JPT1: variants seen among roughly 807,000 people sequenced by gnomAD.
JPT1 encodes androgen-regulated protein 2.
A neutral mutation model predicts 17.0 loss-of-function variants in JPT1; 5 were observed. The observed-to-expected ratio is 0.29, with a 90% CI of 0.15 to 0.62. The LOEUF is 0.62. Ranked by LOEUF, JPT1 falls within the 20% of genes least tolerant of loss-of-function variation. The probability of loss-of-function intolerance (pLI) is 0.85; values close to 1 mark genes in which losing one functional copy is unlikely to be tolerated. For missense variants in JPT1, 158 were observed against 188.1 expected (o/e 0.84, Z 0.94); for synonymous variants, 71 against 73.6 (o/e 0.96, Z 0.18).
intron 4 of JPT1, among the ~76,000 whole-genome samples, chr17:75,140,763 C>G (rs900706579): frequency 1.3e-5 from 2 of 152,014 alleles, no homozygotes; most frequent in East Asian, 3.9e-4. Flanking sequence ...CAGGACCAGC[C>G]GGGGGAAACA....
At position 75,135,926 on chromosome 17, in the gene JPT1, CAA is replaced by C. The variant is rs2074184314; in HGVS notation, c.*174_*175del. 1 of 1,415,160 alleles carries C rather than the reference CAA, an allele frequency of 7.1e-7. No individual in the cohort carries two copies. Among genetic ancestry groups the C allele is most frequent in the Admixed American group, 2.2e-5 (1 of 45,672 alleles). 87.7% of individuals were successfully genotyped at this position (1,415,160 alleles called of 1,614,324 possible). ...ACACTCATGCCATGGCCCACAGACC[CAA>C]GAGTCAAGGACAGAGAGAAACCTGT... On this transcript the variant is annotated 3_prime_UTR_variant, in exon 5 of 5. Transcript: ENST00000409753.
intron 1 of JPT1, among the ~76,000 whole-genome samples, chr17:75,151,061 C>A (rs1401320374): frequency 1.3e-5 from 2 of 151,456 alleles, no homozygotes; most frequent in African/African-American, 4.8e-5. Context: ...ACCGTGTTAG[C>A]CAGGATGGTC....
At chr17:75,137,207 G>C (rs1258284242) in intron 4 of JPT1, among the ~76,000 whole-genome samples, 1 of 152,094 alleles carries the variant, frequency 6.6e-6, no homozygotes, top group Non-Finnish European at 1.5e-5. Context: ...CTCTCATTAG[G>C]GTTGTTTCTA....
chr17:75,136,968 G>A (rs2074210797), intron 4 of JPT1, among the ~76,000 whole-genome samples: 1 of 152,072 alleles, frequency 6.6e-6, no homozygotes, highest in Admixed American at 6.6e-5. Context: ...ACATGTTTTG[G>A]TTATATTTAA....
At chr17:75,136,381 A>C in intron 4 of JPT1, 131 bp from the exon 5 acceptor site, 1 of 797,450 alleles carries the variant, frequency 1.3e-6, no homozygotes. Flanking sequence ...TAAACAAAAT[A>C]ATCACCCACC....
At chr17:75,144,919 G>A (rs1370448060) in intron 4 of JPT1, among the ~76,000 whole-genome samples, 1 of 152,030 alleles carries the variant, frequency 6.6e-6, no homozygotes, top group African/African-American at 2.4e-5. Flanking sequence ...CCCCTAAACA[G>A]GTCCTATAAG....
chr17:75,147,490 T>G, intron 3 of JPT1, 66 bp downstream of exon 3: 1 of 1,124,386 alleles, frequency 8.9e-7, no homozygotes. Flanking sequence ...GAACTGAAAC[T>G]CTTAGTACAA....
chr17:75,150,961 C>G (rs138790976), intron 1 of JPT1, among the ~76,000 whole-genome samples: 1 of 146,258 alleles, frequency 6.8e-6, no homozygotes, highest in East Asian at 2.1e-4. Context: ...TTACACCTTT[C>G]TCCTGCCTTA....
intron 4 of JPT1, among the ~76,000 whole-genome samples, chr17:75,137,855 C>G (rs2074236877): frequency 6.6e-6 from 1 of 151,734 alleles, no homozygotes; most frequent in African/African-American, 2.4e-5. Context: ...GCCATGTTGG[C>G]CAGGCTGGTC....
At chr17:75,148,031 C>T (rs2074474870) in intron 2 of JPT1, 1 of 226,226 alleles carries the variant, frequency 4.4e-6, no homozygotes, top group African/African-American at 2.2e-5. Flanking sequence ...AAAACTTCAG[C>T]AATTGACGTT....
intron 1 of JPT1, among the ~76,000 whole-genome samples, chr17:75,149,856 CACACTT>C (rs1244507831): frequency 0.015 from 715 of 47,838 alleles, 3 homozygotes; most frequent in African/African-American, 0.032. Context: ...TAATCACTTA[CACACTT>C]ACACACACAC....
chr17:75,147,729 T>C, intron 2 of JPT1, 76 bp from the exon 3 acceptor site: 2 of 1,185,768 alleles, frequency 1.7e-6, no homozygotes, highest in Non-Finnish European at 2.5e-6. Context: ...CTGGGCACGG[T>C]GGCTCATGCC....
intron 4 of JPT1, among the ~76,000 whole-genome samples, chr17:75,143,727 T>G (rs1419617999): frequency 6.6e-6 from 1 of 151,510 alleles, no homozygotes; most frequent in East Asian, 1.9e-4. Flanking sequence ...TCTCAGCTAC[T>G]CAGGAGGCTG....
At chr17:75,154,131 A>C in intron 1 of JPT1, 1 of 262,420 alleles carries the variant, frequency 3.8e-6, no homozygotes, top group Non-Finnish European at 7.0e-6. Context: ...GAAGGAATGA[A>C]TGGAGAGCAG....
chr17:75,152,004 T>C (rs1030153741), intron 1 of JPT1, among the ~76,000 whole-genome samples: 2 of 151,242 alleles, frequency 1.3e-5, no homozygotes, highest in Non-Finnish European at 2.9e-5. Flanking sequence ...AAGACACTAG[T>C]ACCCGAACAC....
chr17:75,146,640 G>A (rs1004513127), intron 4 of JPT1, 26 bp downstream of exon 4: 12 of 1,528,402 alleles, frequency 7.9e-6, no homozygotes, highest in South Asian at 1.2e-5. Flanking sequence ...GACAGAGCCA[G>A]AAATTTGGTC....
At chr17:75,144,714 G>A (rs918796255) in intron 4 of JPT1, among the ~76,000 whole-genome samples, 2 of 152,050 alleles carry the variant, frequency 1.3e-5, no homozygotes, top group African/African-American at 4.8e-5. Context: ...AGTCTTGTGG[G>A]ACTGACCCTC....
chr17:75,137,414 T>TAC (rs2074220445), intron 4 of JPT1, among the ~76,000 whole-genome samples: 1 of 151,618 alleles, frequency 6.6e-6, no homozygotes, highest in South Asian at 2.1e-4. Flanking sequence ...TGGAGTGCAG[T>TAC]ACCTCAATCA....
intron 2 of JPT1, among the ~76,000 whole-genome samples, chr17:75,148,296 A>AG (rs2074479431): frequency 6.6e-6 from 1 of 152,162 alleles, no homozygotes; most frequent in Non-Finnish European, 1.5e-5. Context: ...CCTAGGCTGG[A>AG]GGGCAGTGGC....
Sources: gnomAD v4.1 joint callset for allele counts (sites outside exome capture counted in the v4.1 genomes callset) on GRCh38, gnomAD v4.1.1 for gene constraint, MANE v1.5 for transcripts, NCBI Gene and HGNC (gene_info 2026-07-23, HGNC 2026-07-21) for gene names.